The following MIPOL1 variants were observed in gnomAD, a reference collection of about 807,000 sequenced individuals.
MIPOL1 encodes mirror-image polydactyly 1.
Under a neutral mutation model 60.9 loss-of-function variants are expected in MIPOL1, and 57 were observed. The observed-to-expected ratio is 0.94, with a 90% CI of 0.76 to 1.17. MIPOL1 has a LOEUF of 1.17. Among genes scored for constraint, MIPOL1 ranks in the 50% most tolerant of loss-of-function variants. The pLI, the probability that MIPOL1 is intolerant of heterozygous loss-of-function variation, is 0.00. For missense variants in MIPOL1, 551 were observed against 511.6 expected, an observed-to-expected ratio of 1.08 and a Z score of -0.74; for synonymous variants, 179 against 168.8, an observed-to-expected ratio of 1.06 and a Z score of -0.47.
chr14:37,285,684 C>T (rs536242485), intron 7 of MIPOL1, among the ~76,000 whole-genome samples: 3 of 151,910 alleles, frequency 2.0e-5, no homozygotes, highest in African/African-American at 2.4e-5. Flanking sequence ...CTCCGCCTCC[C>T]GGGTTCAAGT....
intron 1 of MIPOL1, among the ~76,000 whole-genome samples, chr14:37,207,534 A>ATAT (rs112163576): frequency 1.1e-3 from 172 of 150,460 alleles, no homozygotes; most frequent in Middle Eastern, 3.4e-3. Context: ...TGAGGATATG[A>ATAT]TATTATTATT....
chr14:37,525,405 T>C (rs1183965415), intron 12 of MIPOL1, among the ~76,000 whole-genome samples: 1 of 152,228 alleles, frequency 6.6e-6, no homozygotes, highest in East Asian at 1.9e-4. Flanking sequence ...CTTTGGGCTA[T>C]GTTGCTGTAA....
chr14:37,524,078 G>A (rs1041832865), intron 12 of MIPOL1, among the ~76,000 whole-genome samples: 10 of 152,114 alleles, frequency 6.6e-5, no homozygotes, highest in African/African-American at 1.9e-4. Context: ...TTTAACTTTC[G>A]TTGTGGTTTT....
chr14:37,530,011 A>T (rs940641637), intron 12 of MIPOL1, among the ~76,000 whole-genome samples: 2 of 152,206 alleles, frequency 1.3e-5, no homozygotes, highest in Non-Finnish European at 2.9e-5. Flanking sequence ...GCATTGGAAG[A>T]TTTATTAAAT....
At chr14:37,343,273 C>T (rs931736455) in intron 9 of MIPOL1, among the ~76,000 whole-genome samples, 8 of 151,926 alleles carry the variant, frequency 5.3e-5, no homozygotes, top group Non-Finnish European at 7.4e-5. Flanking sequence ...TTTGAAGAAA[C>T]AAGTTACGTT....
In MIPOL1 at chr14:37,422,869, T is replaced by C. The variant is rs1323164753; in HGVS notation, c.951T>C (p.Ser317=). Residue 317 remains serine, a synonymous_variant, in exon 11 of 13, where the codon TCT becomes TCC. Coordinates refer to ENST00000684589, the MANE Select transcript of MIPOL1 (RefSeq NM_001388067.1). ...ATTACTTTTAGGCAAAGTTGTTATC[T>C]ATGCAACAAGCCAGAGAAACTGCAG... is the stretch of plus-strand genomic sequence containing the variant. ...QERALKAKLL[S]MQQARETAVQ... is the part of the protein sequence containing the mutation. The C allele has an allele frequency of 1.9e-6, 3 of 1,605,526 alleles. No homozygotes were observed. The African/African-American group carries it at 4.0e-5, about 22-fold the overall frequency.
chr14:37,515,177 C>T (rs2095359758), intron 12 of MIPOL1, among the ~76,000 whole-genome samples: 1 of 151,998 alleles, frequency 6.6e-6, no homozygotes, highest in South Asian at 2.1e-4. Context: ...AAAAAACTTT[C>T]CATAACAATA....
chr14:37,324,689 T>G (rs1487393520), intron 9 of MIPOL1, among the ~76,000 whole-genome samples: 1 of 152,092 alleles, frequency 6.6e-6, no homozygotes, highest in African/African-American at 2.4e-5. Context: ...TAGTTTTCAC[T>G]TTTAGTCTGT....
chr14:37,338,108 A>T (rs1383848368), intron 9 of MIPOL1, among the ~76,000 whole-genome samples: 21 of 134,868 alleles, frequency 1.6e-4, no homozygotes, highest in South Asian at 2.3e-4. Flanking sequence ...ATTTAATTTA[A>T]TTTTTTTTTT....
At chr14:37,339,842 A>G (rs1292235596) in intron 9 of MIPOL1, among the ~76,000 whole-genome samples, 1 of 152,138 alleles carries the variant, frequency 6.6e-6, no homozygotes, top group African/African-American at 2.4e-5. Context: ...ATTGGTGCAG[A>G]CTGGCTTAAG....
intron 9 of MIPOL1, among the ~76,000 whole-genome samples, chr14:37,323,236 C>A (rs2088800877): frequency 6.6e-6 from 1 of 152,056 alleles, no homozygotes; most frequent in Admixed American, 6.6e-5. Flanking sequence ...ATAGGGAATC[C>A]TTTCCCCCTT....
chr14:37,471,853 C>G (rs2094693539), intron 11 of MIPOL1, among the ~76,000 whole-genome samples: 1 of 152,108 alleles, frequency 6.6e-6, no homozygotes, highest in South Asian at 2.1e-4. Context: ...AATGTCACCT[C>G]CTTTGCTTTG....
intron 11 of MIPOL1, among the ~76,000 whole-genome samples, chr14:37,449,692 A>C (rs1230352991): frequency 6.6e-6 from 1 of 152,212 alleles, no homozygotes; most frequent in African/African-American, 2.4e-5. Context: ...TTAACCAAGT[A>C]CTTAAAATTG....
chr14:37,403,105 T>C (rs1342162206), intron 10 of MIPOL1, among the ~76,000 whole-genome samples: 1 of 152,212 alleles, frequency 6.6e-6, no homozygotes, highest in African/African-American at 2.4e-5. Context: ...TTACTCTCAC[T>C]GCTACCATGC....
intron 7 of MIPOL1, among the ~76,000 whole-genome samples, chr14:37,286,074 A>G (rs777109651): frequency 2.6e-5 from 4 of 152,024 alleles, no homozygotes; most frequent in Admixed American, 6.6e-5. Context: ...TCTCCTCATT[A>G]TCACTTTTAA....
rs1451606726 is a variant in MIPOL1 at position 37,483,583 on chromosome 14, AAATAG to A, written c.1032-16321_1032-16317del. Among the ~76,000 whole-genome samples the A allele has an allele frequency of 3.3e-5, 5 of 152,132 alleles. No individual in the cohort carries two copies. In the South Asian group the frequency reaches 8.3e-4, roughly 25 times the overall value. On this transcript the variant is annotated intron_variant, in intron 11 of 12. Coordinates refer to ENST00000684589, the MANE Select transcript of MIPOL1 (RefSeq NM_001388067.1). Reference sequence around the variant, plus strand: ...GAAAGCAGGTTCCTCCAAAAACTAAAAATAGAATTATATGATCCAGCAATTTCACT... The same window carrying A: ...GAAAGCAGGTTCCTCCAAAAACTAAAAATTATATGATCCAGCAATTTCACT...
chr14:37,224,461 A>G (rs1472185690), intron 1 of MIPOL1, among the ~76,000 whole-genome samples: 1 of 152,236 alleles, frequency 6.6e-6, no homozygotes, highest in Admixed American at 6.5e-5. Flanking sequence ...ATCGTGGTGG[A>G]AGGTGAAAGG....
At chr14:37,480,499 A>G (rs2094845942) in intron 11 of MIPOL1, among the ~76,000 whole-genome samples, 1 of 151,752 alleles carries the variant, frequency 6.6e-6, no homozygotes, top group African/African-American at 2.4e-5. Context: ...AAAATTCAAC[A>G]TCCTTTCATG....
At chr14:37,426,579 A>ATATATATATATATG (rs1356711971) in intron 11 of MIPOL1, among the ~76,000 whole-genome samples, 2 of 136,850 alleles carry the variant, frequency 1.5e-5, no homozygotes, top group Admixed American at 1.5e-4. Flanking sequence ...ACATATATAT[A>ATATATATATATATG]TATATATATA....
Sources: gnomAD v4.1 joint callset for allele counts (sites outside exome capture counted in the v4.1 genomes callset) on GRCh38, gnomAD v4.1.1 for gene constraint, MANE v1.5 for transcripts, NCBI Gene and HGNC (gene_info 2026-07-23, HGNC 2026-07-21) for gene names.